The following CSMD1 variants were observed in gnomAD, a reference collection of about 807,000 sequenced individuals.
The protein encoded by CSMD1 is CUB and sushi domain-containing protein 1.
CSMD1 carries 213 observed loss-of-function variants against 417.5 expected under a neutral mutation model. The ratio of observed to expected loss-of-function variants is 0.51; its 90% CI spans 0.46 to 0.57. CSMD1 has a LOEUF of 0.57. CSMD1 is among the 20% of genes least tolerant of loss of function. The pLI is 0.00. For missense variants in CSMD1, 6,923 were observed against 4,529.7 expected (o/e 1.53, Z -15.17); for synonymous variants, 2,862 against 1,736.8 (o/e 1.65, Z -16.11).
intron 1 of CSMD1, among the ~76,000 whole-genome samples, chr8:4,917,431 G>A (rs921067839): frequency 7.2e-5 from 11 of 152,082 alleles, no homozygotes; most frequent in South Asian, 2.1e-4. Context: ...TCAGGAGATC[G>A]AGACCACCCT....
At chr8:4,155,437 C>G (rs958089589) in intron 3 of CSMD1, among the ~76,000 whole-genome samples, 1 of 152,116 alleles carries the variant, frequency 6.6e-6, no homozygotes, top group Non-Finnish European at 1.5e-5. Flanking sequence ...TGGCAGGAAC[C>G]TTGTTTGGGA....
At chr8:4,712,795 G>A (rs2116871068) in intron 1 of CSMD1, among the ~76,000 whole-genome samples, 1 of 152,218 alleles carries the variant, frequency 6.6e-6, no homozygotes, top group East Asian at 1.9e-4. Flanking sequence ...TTGGTTTCGT[G>A]CTGAGGCACA....
In CSMD1 at chr8:3,807,201, T is replaced by C. The variant is rs563245438; in HGVS notation, c.819-53159A>G. 3.9e-5 allele frequency among the ~76,000 whole-genome samples: 6 copies of C among 152,300 alleles called. No homozygotes were observed. The East Asian group carries it at 5.8e-4, about 15-fold the overall frequency. On this transcript the variant is annotated intron_variant, in intron 5 of 69. Transcript: ENST00000635120. ...TGACCTTCTAAAATGGAAATTTTCA[T>C]GAAGAAGCCAGGACATTGATAAACC...
intron 11 of CSMD1, among the ~76,000 whole-genome samples, chr8:3,482,231 G>C (rs977792261): frequency 6.6e-6 from 1 of 152,072 alleles, no homozygotes; most frequent in East Asian, 1.9e-4. Flanking sequence ...TGAAATATCA[G>C]AGAGAGGCAG....
At position 3,238,944 on chromosome 8, in the gene CSMD1, G is replaced by A. The variant is rs568787006; in HGVS notation, c.4154-8713C>T. 2.0e-5 allele frequency among the ~76,000 whole-genome samples: 3 copies of A among 152,228 alleles called. No individual in the cohort carries two copies. The South Asian group carries it at 6.2e-4, about 32-fold the overall frequency. ...AGTTGAGAATGGTGAATAGGAGTATGACTAGACAGAAGATAGTAGGGATGA... is the reference window on the plus strand; with the variant it reads ...AGTTGAGAATGGTGAATAGGAGTATAACTAGACAGAAGATAGTAGGGATGA... On this transcript the variant is annotated intron_variant, in intron 26 of 69. Coordinates refer to ENST00000635120, the MANE Select transcript of CSMD1 (RefSeq NM_033225.6).
intron 17 of CSMD1, among the ~76,000 whole-genome samples, chr8:3,391,716 C>T (rs1412344301): frequency 6.6e-6 from 1 of 152,214 alleles, no homozygotes; most frequent in Non-Finnish European, 1.5e-5. Context: ...CAGTAGCTCA[C>T]ATTGCCTTGT....
chr8:4,344,241 ACAC>A (rs1800648776), intron 3 of CSMD1, among the ~76,000 whole-genome samples: 1 of 152,140 alleles, frequency 6.6e-6, no homozygotes, highest in Non-Finnish European at 1.5e-5. Flanking sequence ...GGTGCCTCTG[ACAC>A]AATCATCTTT....
chr8:4,315,945 A>C (rs189219351), intron 3 of CSMD1, among the ~76,000 whole-genome samples: 3 of 152,066 alleles, frequency 2.0e-5, no homozygotes, highest in Non-Finnish European at 2.9e-5. Context: ...CCTTCTCTTA[A>C]CTCCTAAATA....
intron 10 of CSMD1, among the ~76,000 whole-genome samples, chr8:3,502,681 A>C (rs1218759660): frequency 1.3e-5 from 2 of 152,186 alleles, no homozygotes; most frequent in Non-Finnish European, 2.9e-5. Flanking sequence ...AGACAGTAAA[A>C]AGATTAGTGA....
chr8:4,055,823 G>A (rs561906217), intron 3 of CSMD1, among the ~76,000 whole-genome samples: 3 of 150,942 alleles, frequency 2.0e-5, no homozygotes, highest in Non-Finnish European at 4.4e-5. Context: ...CAGAAGTGTT[G>A]ATTTTACAGT....
intron 10 of CSMD1, among the ~76,000 whole-genome samples, chr8:3,565,553 A>C (rs1799669761): frequency 6.6e-6 from 1 of 152,184 alleles, no homozygotes; most frequent in Non-Finnish European, 1.5e-5. Flanking sequence ...TTAACCTTTT[A>C]ATACTTCAAA....
At chr8:4,569,691 C>T (rs1798790654) in intron 2 of CSMD1, among the ~76,000 whole-genome samples, 1 of 152,114 alleles carries the variant, frequency 6.6e-6, no homozygotes, top group South Asian at 2.1e-4. Context: ...TCAATGGTAG[C>T]TTGATGGGAA....
chr8:4,874,388 ATTTTT>A, intron 1 of CSMD1, among the ~76,000 whole-genome samples: 1 of 133,518 alleles, frequency 7.5e-6, no homozygotes, highest in East Asian at 2.2e-4. Context: ...ATCCGATTGT[ATTTTT>A]TTTTTTTTTT....
chr8:3,310,881 G>C (rs1332306676), intron 23 of CSMD1, among the ~76,000 whole-genome samples: 3 of 152,036 alleles, frequency 2.0e-5, no homozygotes, highest in Non-Finnish European at 4.4e-5. Flanking sequence ...AAGAAATCTG[G>C]AGTTTTAAAA....
chr8:3,568,595 A>G (rs1240459415), intron 10 of CSMD1, among the ~76,000 whole-genome samples: 1 of 152,176 alleles, frequency 6.6e-6, no homozygotes, highest in Non-Finnish European at 1.5e-5. Flanking sequence ...GTGTGTGTAT[A>G]TCAATGTATT....
At chr8:4,189,835 G>C (rs182928295) in intron 3 of CSMD1, among the ~76,000 whole-genome samples, 126 of 152,192 alleles carry the variant, frequency 8.3e-4, no homozygotes, top group Middle Eastern at 3.4e-3. Flanking sequence ...AAAGAGCACA[G>C]CTTTTTAACA....
At chr8:3,348,693 T>C (rs984770808) in intron 21 of CSMD1, among the ~76,000 whole-genome samples, 4 of 152,240 alleles carry the variant, frequency 2.6e-5, no homozygotes, top group Non-Finnish European at 4.4e-5. Context: ...CTCAGCATTA[T>C]GTCTTATAAT....
chr8:4,059,750 T>G (rs867725710), intron 3 of CSMD1, among the ~76,000 whole-genome samples: 1 of 151,990 alleles, frequency 6.6e-6, no homozygotes, highest in Non-Finnish European at 1.5e-5. Flanking sequence ...CAGGAAGAAG[T>G]TGAATCTCTG....
intron 1 of CSMD1, among the ~76,000 whole-genome samples, chr8:4,911,828 G>A (rs911989043): frequency 6.6e-6 from 1 of 151,976 alleles, no homozygotes; most frequent in African/African-American, 2.4e-5. Context: ...ACTTCACGGT[G>A]TTTTCTCATT....
Sources: allele counts gnomAD v4.1 joint callset (sites outside exome capture counted in the v4.1 genomes callset), GRCh38; gene constraint gnomAD v4.1.1; transcripts MANE v1.5; gene names NCBI Gene and HGNC (gene_info 2026-07-23, HGNC 2026-07-21).